FCHSD2: variants seen among roughly 807,000 people sequenced by gnomAD.
FCHSD2 encodes the protein F-BAR and double SH3 domains protein 2.
Under a neutral mutation model 108.1 loss-of-function variants are expected in FCHSD2, and 38 were observed. The ratio of observed to expected loss-of-function variants is 0.35; its 90% CI spans 0.27 to 0.46. FCHSD2 has a LOEUF of 0.46. FCHSD2 is among the 20% of genes least tolerant of loss of function. The pLI is 1.00. For synonymous variants in FCHSD2, 279 were observed against 314.7 expected, an observed-to-expected ratio of 0.89 and a Z score of 1.20; for missense variants, 751 against 897.8, an observed-to-expected ratio of 0.84 and a Z score of 2.09.
intron 8 of FCHSD2, among the ~76,000 whole-genome samples, chr11:72,959,476 C>A (rs1856782407): frequency 7.7e-5 from 1 of 12,996 alleles, no homozygotes; most frequent in Admixed American, 1.6e-3. Flanking sequence ...ACCTCATGAT[C>A]CGCCCGCCTC....
At chr11:73,019,695 C>G (rs1405978287) in intron 3 of FCHSD2, among the ~76,000 whole-genome samples, 1 of 152,136 alleles carries the variant, frequency 6.6e-6, no homozygotes, top group African/African-American at 2.4e-5. Context: ...AAGATCTAAT[C>G]TGCATGGATG....
intron 13 of FCHSD2, among the ~76,000 whole-genome samples, chr11:72,865,383 T>C (rs778902740): frequency 7.2e-5 from 11 of 152,118 alleles, no homozygotes; most frequent in Non-Finnish European, 1.5e-4. Flanking sequence ...TTCCACAAAA[T>C]GTAATCTCTC....
intron 8 of FCHSD2, among the ~76,000 whole-genome samples, chr11:72,953,976 A>T (rs2135361363): frequency 6.6e-6 from 1 of 152,288 alleles, no homozygotes; most frequent in African/African-American, 2.4e-5. Flanking sequence ...AAGAATTCTG[A>T]ATTTTAAATT....
chr11:72,853,551 A>G (rs1482721800), intron 13 of FCHSD2, among the ~76,000 whole-genome samples: 1 of 152,136 alleles, frequency 6.6e-6, no homozygotes, highest in African/African-American at 2.4e-5. Flanking sequence ...AGTAGCTGGG[A>G]CTACAGGTGC....
intron 2 of FCHSD2, among the ~76,000 whole-genome samples, chr11:73,118,425 C>T (rs1860654760): frequency 6.6e-6 from 1 of 152,160 alleles, no homozygotes; most frequent in East Asian, 1.9e-4. Flanking sequence ...CAGAGGAAAC[C>T]ACTGTACTGA....
At chr11:73,065,453 A>C (rs533314341) in intron 3 of FCHSD2, among the ~76,000 whole-genome samples, 191 of 152,190 alleles carry the variant, frequency 1.3e-3, no homozygotes, top group Admixed American at 4.2e-3. Flanking sequence ...GCACAAGACA[A>C]GGATGCCCTC....
At chr11:72,857,870 A>C (rs1270497524) in intron 13 of FCHSD2, among the ~76,000 whole-genome samples, 3 of 152,098 alleles carry the variant, frequency 2.0e-5, no homozygotes, top group African/African-American at 7.2e-5. Context: ...CACAATCATG[A>C]GGTAGAAAGC....
chr11:73,039,074 G>A (rs1315308286), intron 3 of FCHSD2, among the ~76,000 whole-genome samples: 1 of 152,144 alleles, frequency 6.6e-6, no homozygotes, highest in African/African-American at 2.4e-5. Flanking sequence ...AATAATTGCA[G>A]AATCACTGTT....
intron 12 of FCHSD2, among the ~76,000 whole-genome samples, chr11:72,875,389 G>A (rs572496946): frequency 6.6e-6 from 1 of 152,284 alleles, no homozygotes; most frequent in East Asian, 1.9e-4. Context: ...ATTTGACAGA[G>A]TCTCGCTCTG....
At chr11:72,964,582 AG>A (rs896384967) in intron 8 of FCHSD2, among the ~76,000 whole-genome samples, 1 of 152,154 alleles carries the variant, frequency 6.6e-6, no homozygotes, top group Non-Finnish European at 1.5e-5. Context: ...CCTGACATAC[AG>A]TAAGCACTCT....
chr11:73,083,136 G>C (rs2135513903), intron 3 of FCHSD2, among the ~76,000 whole-genome samples: 1 of 152,230 alleles, frequency 6.6e-6, no homozygotes, highest in African/African-American at 2.4e-5. Context: ...CTTGTAAAAA[G>C]TATTATTATT....
At chr11:73,136,850 T>G (rs1861130925) in intron 2 of FCHSD2, among the ~76,000 whole-genome samples, 1 of 152,022 alleles carries the variant, frequency 6.6e-6, no homozygotes, top group Admixed American at 6.6e-5. Context: ...GCCAACATGG[T>G]GAAACCCAGT....
At chr11:72,985,356 C>CG in intron 6 of FCHSD2, among the ~76,000 whole-genome samples, 1 of 125,778 alleles carries the variant, frequency 8.0e-6, no homozygotes, top group Non-Finnish European at 1.7e-5. Flanking sequence ...TCCAGAATGA[C>CG]CAAAAAAAAA....
chr11:73,122,382 A>G (rs1376701705), intron 2 of FCHSD2, among the ~76,000 whole-genome samples: 5 of 152,178 alleles, frequency 3.3e-5, no homozygotes, highest in Non-Finnish European at 7.3e-5. Flanking sequence ...TGATAGCCCC[A>G]GAGAAAACCA....
At chr11:72,999,370 A>C (rs1591471141) in intron 5 of FCHSD2, among the ~76,000 whole-genome samples, 1 of 129,658 alleles carries the variant, frequency 7.7e-6, no homozygotes, top group South Asian at 2.5e-4. Context: ...CCCAGGCTGG[A>C]GGGCAGTGGC....
At chr11:72,928,672 T>C (rs1281483736) in intron 8 of FCHSD2, among the ~76,000 whole-genome samples, 2 of 152,190 alleles carry the variant, frequency 1.3e-5, no homozygotes, top group East Asian at 1.9e-4. Flanking sequence ...TTGAATCTTA[T>C]TTAAGTAGGT....
At chr11:73,035,192 A>T (rs929053951) in intron 3 of FCHSD2, among the ~76,000 whole-genome samples, 45 of 143,446 alleles carry the variant, frequency 3.1e-4, no homozygotes, top group African/African-American at 1.1e-3. Flanking sequence ...GTATGTATGT[A>T]TGTATGTATG....
intron 3 of FCHSD2, among the ~76,000 whole-genome samples, chr11:73,031,689 C>T (rs1858364934): frequency 6.6e-6 from 1 of 152,162 alleles, no homozygotes; most frequent in African/African-American, 2.4e-5. Flanking sequence ...CCCAGGAATC[C>T]AACCCAAGCC....
intron 3 of FCHSD2, among the ~76,000 whole-genome samples, chr11:73,017,547 C>T (rs982341468): frequency 6.6e-6 from 1 of 152,084 alleles, no homozygotes; most frequent in Non-Finnish European, 1.5e-5. Context: ...AAGTTCCTCC[C>T]GAACTTGGCA....
Sources: allele counts gnomAD v4.1 joint callset (sites outside exome capture counted in the v4.1 genomes callset), GRCh38; gene constraint gnomAD v4.1.1; transcripts MANE v1.5; gene names NCBI Gene and HGNC (gene_info 2026-07-23, HGNC 2026-07-21).